The following NCALD variants were observed in gnomAD, a reference collection of about 807,000 sequenced individuals.
NCALD encodes the protein neurocalcin delta, also known as neurocalcin-delta.
NCALD carries 10 observed loss-of-function variants against 18.6 expected under a neutral mutation model. The observed-to-expected ratio is 0.54, with a 90% confidence interval of 0.33 to 0.91. The LOEUF (loss-of-function observed/expected upper bound fraction) is 0.91. Among genes scored for constraint, NCALD ranks in the 40% least tolerant of loss-of-function variants. The pLI is 0.03. For synonymous variants in NCALD, 88 were observed against 87.4 expected, an observed-to-expected ratio of 1.01 and a Z score of -0.04; for missense variants, 184 against 247.6, an observed-to-expected ratio of 0.74 and a Z score of 1.72.
intron 1 of NCALD, chr8:101,721,227 A>G (rs1236956157): frequency 1.3e-5 from 2 of 152,222 alleles, no homozygotes; most frequent in Non-Finnish European, 2.9e-5. Context: ...AAGACAGCAT[A>G]TCCCCATTTT....
intron 2 of NCALD, among the ~76,000 whole-genome samples, chr8:101,996,149 G>A (rs1586892434): frequency 6.6e-6 from 1 of 152,192 alleles, no homozygotes; most frequent in South Asian, 2.1e-4. Flanking sequence ...TTGAACAAAA[G>A]GATGGAGTAA....
rs561860783 is a variant in NCALD, at chr8:101,690,348, C to T, written c.485-942G>A. 96 of 979,426 alleles carry T rather than the reference C, an allele frequency of 9.8e-5. No individual in the cohort carries two copies. The Middle Eastern group carries it at 1.6e-3, about 16-fold the overall frequency. 60.7% of individuals were successfully genotyped at this position (979,426 alleles called of 1,614,324 possible). On this transcript the variant is annotated intron_variant, in intron 3 of 3. Coordinates refer to ENST00000220931, the MANE Select transcript of NCALD (RefSeq NM_032041.3). ...TTTGGGAGGAATTGCTGGGCATCTC[C>T]GCCCAGCTTTGCCCTCCCTTTTTCT...
rs528075104 is a variant in NCALD at position 102,103,251 on chromosome 8, T to C, written c.-210+20986A>G. 1.2e-3 allele frequency among the ~76,000 whole-genome samples: 182 copies of C among 152,252 alleles called. 4 individuals carry two copies. In the South Asian group the frequency reaches 0.036, roughly 30 times the overall value. On this transcript the variant is annotated intron_variant, in intron 1 of 6. Coordinates refer to the NCALD transcript ENST00000311028. ...TTCTCCCTAAACACACTCTACCCTT[T>C]CTCTGCCTGTTCAAATCCTATTAAT...
At chr8:101,850,582 T>C (rs1161977070) in intron 4 of NCALD, among the ~76,000 whole-genome samples, 1 of 152,076 alleles carries the variant, frequency 6.6e-6, no homozygotes, top group Non-Finnish European at 1.5e-5. Context: ...ACAAAAACAA[T>C]GATAAAACCC....
chr8:102,061,518 G>C (rs1490318615), intron 1 of NCALD, among the ~76,000 whole-genome samples: 5 of 152,028 alleles, frequency 3.3e-5, no homozygotes, highest in East Asian at 3.9e-4. Context: ...ATCTGAAATG[G>C]GCTTTGCCGC....
chr8:101,981,039 T>G (rs1412330535), intron 2 of NCALD, among the ~76,000 whole-genome samples: 2 of 152,260 alleles, frequency 1.3e-5, no homozygotes, highest in African/African-American at 4.8e-5. Context: ...AGTACAGTTT[T>G]GTGGCATTAT....
chr8:101,732,521 C>G (rs1763652922), intron 1 of NCALD, among the ~76,000 whole-genome samples: 1 of 150,912 alleles, frequency 6.6e-6, no homozygotes, highest in Non-Finnish European at 1.5e-5. Context: ...AAATAGTATC[C>G]TACATAGGAC....
chr8:101,835,210 C>T (rs73277009), intron 4 of NCALD, among the ~76,000 whole-genome samples: 4,853 of 152,324 alleles, frequency 0.032, 267 homozygotes, highest in African/African-American at 0.11. Flanking sequence ...TTCACAGCCC[C>T]GTGCAGTAAG....
rs755142574 is a variant in NCALD, at chr8:101,689,434, T to C, written c.485-28A>G. 2 of 1,550,918 alleles carry C rather than the reference T, an allele frequency of 1.3e-6. No individual in the cohort carries two copies. Among genetic ancestry groups the C allele is most frequent in the South Asian group, 2.3e-5 (2 of 85,358 alleles). The stretch of plus-strand genomic sequence containing the variant: ...AGGAAGCAAGAGGACAGGTGAGTGG[T>C]GGCTGGTGGCAGCTGCATGAGCTTA... On this transcript the variant is annotated intron_variant, in intron 3 of 3. Coordinates refer to ENST00000220931, the MANE Select transcript of NCALD (RefSeq NM_032041.3). The surrounding 1 kb of genome is among the most constrained non-coding windows in gnomAD (Gnocchi z 4.4).
intron 1 of NCALD, among the ~76,000 whole-genome samples, chr8:101,737,808 A>G (rs1809994937): frequency 6.6e-6 from 1 of 152,188 alleles, no homozygotes; most frequent in Non-Finnish European, 1.5e-5. Flanking sequence ...CCTCTGTAGC[A>G]CTGAGAAAGG....
At position 101,878,899 on chromosome 8, in the gene NCALD, G is replaced by A. The variant is rs566002452; in HGVS notation, c.-20+8242C>T. 3.3e-5 allele frequency among the ~76,000 whole-genome samples: 5 copies of A among 152,236 alleles called. No individual in the cohort carries two copies. The South Asian group carries it at 6.2e-4, about 19-fold the overall frequency. ...GGTCAATGCCATGTCCTATGATTAC[G>A]ATGATGAAAAAAAGCAGCCCTAGGT... On this transcript the variant is annotated intron_variant, in intron 4 of 6. Transcript: ENST00000311028.
intron 3 of NCALD, among the ~76,000 whole-genome samples, chr8:101,898,328 C>T (rs1054154533): frequency 6.6e-6 from 1 of 152,122 alleles, no homozygotes; most frequent in Non-Finnish European, 1.5e-5. Context: ...ATTTGCCATC[C>T]AAATATCATT....
At chr8:101,816,404 T>C (rs1813497793) in intron 4 of NCALD, among the ~76,000 whole-genome samples, 1 of 152,164 alleles carries the variant, frequency 6.6e-6, no homozygotes, top group South Asian at 2.1e-4. Context: ...TGGAAAGTCA[T>C]GGCTGGAAGA....
intron 2 of NCALD, among the ~76,000 whole-genome samples, chr8:102,013,026 C>T (rs1353028550): frequency 6.6e-6 from 1 of 152,148 alleles, no homozygotes; most frequent in Non-Finnish European, 1.5e-5. Context: ...CACACACATA[C>T]ATACATAAGT....
At chr8:101,773,397 T>G (rs926903211) in intron 1 of NCALD, among the ~76,000 whole-genome samples, 1 of 152,180 alleles carries the variant, frequency 6.6e-6, no homozygotes, top group African/African-American at 2.4e-5. Context: ...TGTGCAAATG[T>G]TCCCTCTCTG....
chr8:101,856,867 T>C (rs1340944314), intron 4 of NCALD, among the ~76,000 whole-genome samples: 1 of 152,152 alleles, frequency 6.6e-6, no homozygotes, highest in Non-Finnish European at 1.5e-5. Flanking sequence ...GGCAAATTGC[T>C]GCCTCTCCAT....
At chr8:101,695,206 T>C (rs1257426200) in intron 2 of NCALD, among the ~76,000 whole-genome samples, 2 of 152,220 alleles carry the variant, frequency 1.3e-5, no homozygotes, top group Non-Finnish European at 2.9e-5. Flanking sequence ...GGAGAGCGCA[T>C]GGAGCTGTTT....
chr8:101,944,769 T>C (rs1446058660), intron 2 of NCALD, among the ~76,000 whole-genome samples: 1 of 152,216 alleles, frequency 6.6e-6, no homozygotes, highest in African/African-American at 2.4e-5. Flanking sequence ...TCCATGGCCC[T>C]GTCCACACCT....
In NCALD at chr8:101,871,956, C is replaced by G. The variant is rs1402706536; in HGVS notation, c.-20+15185G>C. ...CCGTCTTAACTGCTCTAGATTCAGACAGTTTCCACCCCAACTCATCTCTGG... is the reference window on the plus strand; with the variant it reads ...CCGTCTTAACTGCTCTAGATTCAGAGAGTTTCCACCCCAACTCATCTCTGG... On this transcript the variant is annotated intron_variant, in intron 4 of 6. Coordinates refer to the NCALD transcript ENST00000311028. 19 of 750,366 alleles carry G rather than the reference C, an allele frequency of 2.5e-5. No homozygotes were observed. In the Admixed American group the frequency reaches 3.2e-4, roughly 13 times the overall value. The allele number at this position is 750,366 out of a possible 1,614,324, so 46.5% of individuals were successfully genotyped here. A position where few individuals can be genotyped will look rare whatever the true frequency, so the allele number is the denominator to read the frequency against.
Sources: allele counts gnomAD v4.1 joint callset (sites outside exome capture counted in the v4.1 genomes callset), GRCh38; gene constraint gnomAD v4.1.1; non-coding constraint Gnocchi (gnomAD v3.1); transcripts MANE v1.5; gene names NCBI Gene and HGNC (gene_info 2026-07-23, HGNC 2026-07-21).